Variants in ZBTB2 observed in about 807,000 individuals in gnomAD.
The protein encoded by ZBTB2 is zinc finger and BTB domain containing 2.
In ZBTB2, 2 loss-of-function variants were observed where a neutral mutation model predicts 39.5. The observed-to-expected ratio is 0.05, with a 90% CI of 0.02 to 0.16. The LOEUF (loss-of-function observed/expected upper bound fraction) is 0.16, where lower values mean the gene tolerates loss of function less well. ZBTB2 is among the 10% of genes least tolerant of loss of function. The pLI, the probability that ZBTB2 is intolerant of heterozygous loss-of-function variation, is 1.00. For missense variants in ZBTB2, 391 were observed against 653.0 expected (o/e 0.60, Z 4.37); for synonymous variants, 251 against 256.6 (o/e 0.98, Z 0.21).
chr6:151,383,200 G>A (rs1582923016), intron 1 of ZBTB2, among the ~76,000 whole-genome samples: 1 of 152,100 alleles, frequency 6.6e-6, no homozygotes, highest in African/African-American at 2.4e-5. Flanking sequence ...GATTACATGC[G>A]TGAGCCACCG....
chr6:151,378,710 G>A (rs1562768739), intron 1 of ZBTB2, among the ~76,000 whole-genome samples: 2 of 152,286 alleles, frequency 1.3e-5, no homozygotes, highest in African/African-American at 2.4e-5. Context: ...CTCTGATCAT[G>A]CTGATCATAT....
At chr6:151,383,539 G>A (rs1041995770) in intron 1 of ZBTB2, among the ~76,000 whole-genome samples, 1 of 152,120 alleles carries the variant, frequency 6.6e-6, no homozygotes, top group Non-Finnish European at 1.5e-5. Flanking sequence ...TGGCAGTTTC[G>A]TCTCCCAGAA....
chr6:151,368,142 A>ATTTTC (rs545716777), intron 2 of ZBTB2, among the ~76,000 whole-genome samples: 21 of 152,040 alleles, frequency 1.4e-4, no homozygotes, highest in African/African-American at 4.6e-4. Context: ...ATTAACAAAT[A>ATTTTC]TTTTCTTTTC....
chr6:151,387,474 G>A (rs1422354828), intron 1 of ZBTB2, among the ~76,000 whole-genome samples: 2 of 152,146 alleles, frequency 1.3e-5, no homozygotes, highest in African/African-American at 4.8e-5. Flanking sequence ...AGGATCTGCA[G>A]ACCACACTTA....
chr6:151,368,261 C>T (rs184694440), intron 2 of ZBTB2, among the ~76,000 whole-genome samples: 7 of 152,008 alleles, frequency 4.6e-5, no homozygotes, highest in Admixed American at 1.3e-4. Context: ...ATTCTCCTGC[C>T]TCAGCCTCCA....
chr6:151,370,122 A>G (rs1459249099), intron 2 of ZBTB2: 2 of 973,928 alleles, frequency 2.1e-6, no homozygotes, highest in Non-Finnish European at 2.4e-6. Flanking sequence ...TAGTTTCCAG[A>G]TATGTTTGAC....
chr6:151,370,537 G>A (rs1261870502), intron 2 of ZBTB2, among the ~76,000 whole-genome samples: 1 of 152,208 alleles, frequency 6.6e-6, no homozygotes, highest in African/African-American at 2.4e-5. Flanking sequence ...TCAGAAGGTT[G>A]TACTTAGAAA....
At chr6:151,375,835 C>T (rs1170374967) in intron 1 of ZBTB2, among the ~76,000 whole-genome samples, 1 of 152,174 alleles carries the variant, frequency 6.6e-6, no homozygotes, top group African/African-American at 2.4e-5. Context: ...TCCCAAAGTG[C>T]TGGGATTACA....
rs146411183 is a variant in ZBTB2 at position 151,365,601 on chromosome 6, C to T, written c.1465G>A (p.Gly489Arg). Reference protein sequence around the residue: ...DEGRSILLGSGDSEVTEPDHP... With the variant: ...DEGRSILLGSRDSEVTEPDHP... ...TCAGGCTCCGTTACTTCCGAGTCCC[C>T]ACTGCCCAGGAGAATGGATCGCCCT... Residue 489 changes from glycine (G) to arginine (R), a missense_variant, in exon 3 of 3, where the codon GGG (glycine) becomes AGG (arginine). Gly to Arg is a moderately radical substitution (Grantham distance 125). Transcript: ENST00000325144. The surrounding 1 kb of genome is among the most constrained non-coding windows in gnomAD (Gnocchi z 5.6). The T allele has an allele frequency of 3.7e-6, 6 of 1,614,090 alleles. No homozygotes were observed. The African/African-American group carries it at 8.0e-5, about 22-fold the overall frequency.
At chr6:151,368,367 T>C (rs774559714) in intron 2 of ZBTB2, among the ~76,000 whole-genome samples, 3 of 152,160 alleles carry the variant, frequency 2.0e-5, no homozygotes, top group Non-Finnish European at 4.4e-5. Flanking sequence ...GCCAGGATGG[T>C]CTTGATCTGC....
At chr6:151,377,500 C>G (rs539096091) in intron 1 of ZBTB2, among the ~76,000 whole-genome samples, 1 of 145,738 alleles carries the variant, frequency 6.9e-6, no homozygotes, top group South Asian at 2.2e-4. Flanking sequence ...TCCTGAGTAG[C>G]TGGGATTACA....
rs533514178 is a variant in ZBTB2, at chr6:151,365,441, G to A, written c.*80C>T. ...GGACCTGTTTGTATCATGCCATGGAGAACTACAGTTCTGAATTCAGGGAAG... is the reference window on the plus strand; with the variant it reads ...GGACCTGTTTGTATCATGCCATGGAAAACTACAGTTCTGAATTCAGGGAAG... On this transcript the variant is annotated 3_prime_UTR_variant, in exon 3 of 3. Transcript: ENST00000325144. This position sits in a 1 kb window ranked among gnomAD's most constrained non-coding sequence, Gnocchi z 5.6. The A allele has an allele frequency of 3.4e-6, 5 of 1,475,674 alleles. No individual in the cohort carries two copies. Among genetic ancestry groups the A allele is most frequent in the African/African-American group, 1.4e-5 (1 of 70,982 alleles). The allele number at this position is 1,475,674 out of a possible 1,614,324, so 91.4% of individuals were successfully genotyped here. A position where few individuals can be genotyped will look rare whatever the true frequency, so the allele number is the denominator to read the frequency against.
At chr6:151,391,185 G>A (rs1779298676) in intron 1 of ZBTB2, among the ~76,000 whole-genome samples, 2 of 151,044 alleles carry the variant, frequency 1.3e-5, no homozygotes, top group Non-Finnish European at 1.5e-5. Context: ...CGCCGCCCCC[G>A]CGAGGCGCCC....
chr6:151,370,176 C>A, intron 2 of ZBTB2: 2 of 770,818 alleles, frequency 2.6e-6, no homozygotes, highest in African/African-American at 1.9e-5. Context: ...ACTCTTGTTG[C>A]CCAGGCTGGA....
intron 1 of ZBTB2, among the ~76,000 whole-genome samples, chr6:151,378,847 T>C (rs1459601315): frequency 2.0e-5 from 3 of 152,250 alleles, no homozygotes; most frequent in Admixed American, 6.5e-5. Context: ...AGTGCTACTA[T>C]TGGCCATCAT....
intron 1 of ZBTB2, among the ~76,000 whole-genome samples, 193 bp downstream of exon 1, chr6:151,391,227 G>C (rs1183189165): frequency 6.6e-6 from 1 of 151,528 alleles, no homozygotes. Flanking sequence ...GGGTCCCCGA[G>C]TGGCCCGGGC....
Position 151,365,292 on chromosome 6 carries a change from A to G in ZBTB2, c.*229T>C, listed in dbSNP as rs2114847220. The G allele has an allele frequency of 2.0e-6, 1 of 496,558 alleles. No homozygotes were observed. Among genetic ancestry groups the G allele is most frequent in the Non-Finnish European group, 3.5e-6 (1 of 283,332 alleles). 30.8% of individuals were successfully genotyped at this position (496,558 alleles called of 1,614,324 possible). A position where few individuals can be genotyped will look rare whatever the true frequency, so the allele number is the denominator to read the frequency against. The stretch of plus-strand genomic sequence containing the variant: ...CCTCTCAAAATTTGAGTTTATAAGT[A>G]TAATGACCATTATCTTTCCAATATC... On this transcript the variant is annotated 3_prime_UTR_variant, in exon 3 of 3. Coordinates refer to ENST00000325144, the MANE Select transcript of ZBTB2 (RefSeq NM_020861.3). The surrounding 1 kb of genome is among the most constrained non-coding windows in gnomAD (Gnocchi z 5.6).
In ZBTB2 at chr6:151,366,445, A is replaced by T; in HGVS notation, c.621T>A (p.Val207=). The T allele has an allele frequency of 6.2e-7, 1 of 1,614,022 alleles. No homozygotes were observed. The highest frequency in any genetic ancestry group is 8.5e-7 in the Non-Finnish European group (1 of 1,179,972). The change falls in exon 3 of 3, where the codon GTT becomes GTA. Residue 207 remains valine (V), a synonymous_variant. Transcript: ENST00000325144. The surrounding 1 kb of genome is among the most constrained non-coding windows in gnomAD (Gnocchi z 7.1). ...GAGGAGGGGGAGGAACAGGAGTGGA[A>T]ACAAGTTCTGGAGACAGCGAGGTCT... is the stretch of plus-strand genomic sequence containing the variant. The part of the protein sequence containing the change: ...PLQTSLSPEL[V]STPVPPPPPG...
chr6:151,390,183 C>A (rs1288184364), intron 1 of ZBTB2, among the ~76,000 whole-genome samples: 1 of 151,906 alleles, frequency 6.6e-6, no homozygotes, highest in Non-Finnish European at 1.5e-5. Flanking sequence ...GGGGCCCGGC[C>A]TGCAGCCTCA....
Sources: gnomAD v4.1 joint callset for allele counts (sites outside exome capture counted in the v4.1 genomes callset) on GRCh38, gnomAD v4.1.1 for gene constraint, Gnocchi (gnomAD v3.1) non-coding constraint, MANE v1.5 for transcripts, NCBI Gene and HGNC (gene_info 2026-07-23, HGNC 2026-07-21) for gene names.